Variants in ADGRB3 observed in about 807,000 individuals in gnomAD.
ADGRB3 encodes brain-specific angiogenesis inhibitor 3.
A neutral mutation model predicts 193.4 loss-of-function variants in ADGRB3; 37 were observed. The observed-to-expected ratio is 0.19, with a 90% CI of 0.15 to 0.25. The LOEUF is 0.25. Ranked by LOEUF, ADGRB3 falls within the 10% of genes least tolerant of loss-of-function variation. ADGRB3 has a pLI of 1.00. For missense variants in ADGRB3, 1,637 were observed against 1,852.9 expected, an observed-to-expected ratio of 0.88 and a Z score of 2.14; for synonymous variants, 690 against 644.2, an observed-to-expected ratio of 1.07 and a Z score of -1.08.
chr6:68,919,902 G>T (rs1766988540), intron 3 of ADGRB3, among the ~76,000 whole-genome samples: 1 of 152,244 alleles, frequency 6.6e-6, no homozygotes, highest in East Asian at 1.9e-4. Flanking sequence ...GTATTGTTCA[G>T]AGAATGAAAT....
At chr6:68,968,944 C>T (rs1768474631) in intron 8 of ADGRB3, among the ~76,000 whole-genome samples, 1 of 152,066 alleles carries the variant, frequency 6.6e-6, no homozygotes, top group Non-Finnish European at 1.5e-5. Flanking sequence ...GCCACATTTT[C>T]CTAGCACCTA....
intron 15 of ADGRB3, among the ~76,000 whole-genome samples, chr6:69,060,229 T>TCTCC: frequency 2.0e-5 from 3 of 150,950 alleles, no homozygotes; most frequent in African/African-American, 7.3e-5. Context: ...TTTCTCTCTC[T>TCTCC]CTCTCTCTCT....
intron 11 of ADGRB3, among the ~76,000 whole-genome samples, chr6:68,994,482 A>G (rs1272473533): frequency 6.6e-6 from 1 of 152,230 alleles, no homozygotes; most frequent in Non-Finnish European, 1.5e-5. Flanking sequence ...TACGAAATTC[A>G]ATAACTTCTC....
chr6:68,825,298 T>C (rs932588839), intron 3 of ADGRB3, among the ~76,000 whole-genome samples: 1 of 152,190 alleles, frequency 6.6e-6, no homozygotes, highest in African/African-American at 2.4e-5. Context: ...CAATTCTGTA[T>C]GGCCTTTATT....
At position 69,035,883 on chromosome 6, in the gene ADGRB3, C is replaced by T. The variant is rs201506382; in HGVS notation, c.2108-12302C>T. ...CACTGATTTCTGGCTTGAGTAAAGT[C>T]GATAGAGGTGCTATTTATGGAAATG... is the stretch of plus-strand genomic sequence containing the variant. On this transcript the variant is annotated intron_variant, in intron 13 of 31. Coordinates refer to ENST00000370598, the MANE Select transcript of ADGRB3 (RefSeq NM_001704.3). 5.9e-5 allele frequency among the ~76,000 whole-genome samples: 9 copies of T among 152,060 alleles called. No homozygotes were observed. In the South Asian group the frequency reaches 6.2e-4, roughly 11 times the overall value.
At chr6:69,250,227 T>G (rs565967522) in intron 20 of ADGRB3, among the ~76,000 whole-genome samples, 2 of 152,326 alleles carry the variant, frequency 1.3e-5, no homozygotes, top group African/African-American at 4.8e-5. Flanking sequence ...GCCAATTAAA[T>G]TCTATCTGTA....
At chr6:69,016,797 A>G (rs530139068) in intron 12 of ADGRB3, among the ~76,000 whole-genome samples, 1 of 152,044 alleles carries the variant, frequency 6.6e-6, no homozygotes, top group East Asian at 1.9e-4. Context: ...CCAAAAGTAA[A>G]TGTTCTTAGA....
chr6:69,190,422 G>A (rs1765162716), intron 17 of ADGRB3, among the ~76,000 whole-genome samples: 1 of 151,838 alleles, frequency 6.6e-6, no homozygotes, highest in Non-Finnish European at 1.5e-5. Context: ...AAAGCTTATA[G>A]AATAGAGATA....
chr6:69,122,589 G>C (rs1208312250), intron 17 of ADGRB3, among the ~76,000 whole-genome samples: 1 of 150,450 alleles, frequency 6.6e-6, no homozygotes, highest in Non-Finnish European at 1.5e-5. Context: ...AAGTAGGGAT[G>C]GGATCTCTGA....
intron 3 of ADGRB3, among the ~76,000 whole-genome samples, chr6:68,887,082 C>T (rs1247257499): frequency 6.6e-6 from 1 of 151,836 alleles, no homozygotes; most frequent in Non-Finnish European, 1.5e-5. Flanking sequence ...CACACACACA[C>T]ACACATACAT....
intron 3 of ADGRB3, among the ~76,000 whole-genome samples, chr6:68,772,893 AAATATATATATAT>A (rs1163890483): frequency 0.025 from 558 of 22,674 alleles, 24 homozygotes; most frequent in Non-Finnish European, 0.032. Flanking sequence ...AAAAAAAAAA[AAATATATATATAT>A]ATATATATAT....
chr6:69,003,077 G>A (rs1226979722), intron 11 of ADGRB3, among the ~76,000 whole-genome samples: 1 of 152,166 alleles, frequency 6.6e-6, no homozygotes, highest in Non-Finnish European at 1.5e-5. Context: ...TGGGATAATA[G>A]TACTTACCTT....
intron 17 of ADGRB3, among the ~76,000 whole-genome samples, chr6:69,167,637 T>A (rs1050139399): frequency 6.6e-6 from 1 of 152,144 alleles, no homozygotes; most frequent in African/African-American, 2.4e-5. Context: ...AAGAGAATAA[T>A]ACACTTTCCC....
chr6:69,288,795 AGTGGAATCTCTCTGT>A (rs1350376886), intron 20 of ADGRB3, among the ~76,000 whole-genome samples: 1 of 152,174 alleles, frequency 6.6e-6, no homozygotes, highest in Admixed American at 6.6e-5. Context: ...TGTTGATAAC[AGTGGAATCTCTCTGT>A]GTGGAATGGT....
chr6:69,224,703 A>C (rs527959790), intron 17 of ADGRB3, among the ~76,000 whole-genome samples: 1 of 152,178 alleles, frequency 6.6e-6, no homozygotes, highest in Admixed American at 6.6e-5. Context: ...ACTAATGTAT[A>C]TAGCAGTACT....
intron 10 of ADGRB3, among the ~76,000 whole-genome samples, chr6:68,978,107 A>C (rs1360164568): frequency 6.6e-6 from 1 of 151,618 alleles, no homozygotes; most frequent in Non-Finnish European, 1.5e-5. Context: ...GGAATGGAAC[A>C]AATGAGATAT....
chr6:69,295,069 C>T (rs1019843174), intron 20 of ADGRB3, among the ~76,000 whole-genome samples: 16 of 152,146 alleles, frequency 1.1e-4, no homozygotes, highest in African/African-American at 3.9e-4. Context: ...CTGGTAGACA[C>T]TGCCAACATT....
At chr6:68,994,006 A>C (rs1259902374) in intron 11 of ADGRB3, 44 bp downstream of exon 11, 2 of 1,590,852 alleles carry the variant, frequency 1.3e-6, no homozygotes, top group African/African-American at 2.7e-5. Context: ...GTGAAGATGC[A>C]ATCAGTTTTT....
intron 20 of ADGRB3, among the ~76,000 whole-genome samples, chr6:69,280,104 T>A (rs1352569069): frequency 1.3e-5 from 2 of 152,164 alleles, no homozygotes; most frequent in Non-Finnish European, 2.9e-5. Context: ...GGAAAGAAAC[T>A]GAGACTTGCA....
Sources: allele counts gnomAD v4.1 joint callset (sites outside exome capture counted in the v4.1 genomes callset), GRCh38; gene constraint gnomAD v4.1.1; transcripts MANE v1.5; gene names NCBI Gene and HGNC (gene_info 2026-07-23, HGNC 2026-07-21).